The following CNKSR2 variants were observed in gnomAD, a reference collection of about 807,000 sequenced individuals.
CNKSR2 encodes the protein CNK homolog protein 2.
Under a neutral mutation model 84.4 loss-of-function variants are expected in CNKSR2, and 14 were observed. That is an observed-to-expected ratio of 0.17 (90% confidence interval 0.11 to 0.26). The LOEUF is 0.26. Among genes scored for constraint, CNKSR2 ranks in the 10% least tolerant of loss-of-function variants. The pLI is 1.00. For synonymous variants in CNKSR2, 275 were observed against 277.9 expected, an observed-to-expected ratio of 0.99 and a Z score of 0.10; for missense variants, 485 against 771.2, an observed-to-expected ratio of 0.63 and a Z score of 4.40.
At chrX:21,501,178 A>G (rs1388778590) in intron 7 of CNKSR2, among the ~76,000 whole-genome samples, 1 of 111,176 alleles carries the variant, frequency 9.0e-6, no homozygotes, top group Non-Finnish European at 1.9e-5. Context: ...AAGTTTACAA[A>G]GGTTAATACC....
chrX:21,545,507 A>C (rs1472233514), intron 11 of CNKSR2, among the ~76,000 whole-genome samples: 1 of 111,982 alleles, frequency 8.9e-6, no homozygotes, highest in Non-Finnish European at 1.9e-5. Context: ...GCAGACTTAA[A>C]CATTCCTGTC....
intron 21 of CNKSR2, among the ~76,000 whole-genome samples, chrX:21,650,437 G>A (rs1433215653): frequency 1.3e-5 from 1 of 75,886 alleles, no homozygotes; most frequent in Non-Finnish European, 2.5e-5. Flanking sequence ...GGGGTGGGGG[G>A]CTAGGGGAGG....
intron 6 of CNKSR2, chrX:21,493,777 T>A (rs2091465622): frequency 9.0e-6 from 1 of 111,358 alleles, no homozygotes. Context: ...TTTCTTTTGG[T>A]GCCTGACTTT....
At chrX:21,515,740 C>T (rs1273113924) in intron 8 of CNKSR2, among the ~76,000 whole-genome samples, 2 of 111,046 alleles carry the variant, frequency 1.8e-5, no homozygotes, top group African/African-American at 3.3e-5. Flanking sequence ...CAGTTGAGCC[C>T]GATTTCAAGA....
chrX:21,559,967 C>T (rs1465877486), intron 11 of CNKSR2, among the ~76,000 whole-genome samples: 1 of 111,206 alleles, frequency 9.0e-6, no homozygotes, highest in Admixed American at 9.6e-5. Flanking sequence ...ATACTTTTTC[C>T]TTAAGAACAG....
At position 21,595,305 on chromosome X, in the gene CNKSR2, A is replaced by G; in HGVS notation, c.1905-19A>G. 1 of 1,134,009 alleles carries G rather than the reference A, an allele frequency of 8.8e-7. No individual in the cohort carries two copies. Among genetic ancestry groups the G allele is most frequent in the Non-Finnish European group, 1.2e-6 (1 of 833,216 alleles). The allele number at this position is 1,134,009 out of a possible 1,213,427, so 93.5% of individuals were successfully genotyped here. On this transcript the variant is annotated intron_variant, in intron 16 of 21. Transcript: ENST00000379510. ...TTATTTCCCAATTTGTAATAAATGT[A>G]CTTTGTTTCCTTTTGCAGTGCATTC...
At chrX:21,414,057 C>A (rs1375647803) in intron 1 of CNKSR2, among the ~76,000 whole-genome samples, 4 of 111,347 alleles carry the variant, frequency 3.6e-5, no homozygotes, top group African/African-American at 1.3e-4. Context: ...TACTGATATC[C>A]TGATTTCCTT....
chrX:21,417,933 C>G (rs1288028746), intron 1 of CNKSR2, among the ~76,000 whole-genome samples: 1 of 111,158 alleles, frequency 9.0e-6, no homozygotes, highest in Non-Finnish European at 1.9e-5. Flanking sequence ...TAAAGACTTC[C>G]TCCTGCCATT....
At chrX:21,564,258 G>A (rs1406676789) in intron 13 of CNKSR2, among the ~76,000 whole-genome samples, 1 of 111,327 alleles carries the variant, frequency 9.0e-6, no homozygotes, top group Non-Finnish European at 1.9e-5. Context: ...CTTTCCTGCA[G>A]TAATAAAGAG....
chrX:21,537,685 T>C (rs1274123406), intron 11 of CNKSR2, among the ~76,000 whole-genome samples: 1 of 111,247 alleles, frequency 9.0e-6, no homozygotes, highest in African/African-American at 3.3e-5. Flanking sequence ...CTTGATTTGG[T>C]TTTTGTTTGC....
At chrX:21,393,987 T>C (rs2090086657) in intron 1 of CNKSR2, among the ~76,000 whole-genome samples, 1 of 112,314 alleles carries the variant, frequency 8.9e-6, no homozygotes, top group Non-Finnish European at 1.9e-5. Context: ...TAGAAGACAA[T>C]ACAAATTATC....
chrX:21,545,530 A>G (rs1439722841), intron 11 of CNKSR2, among the ~76,000 whole-genome samples: 1 of 112,181 alleles, frequency 8.9e-6, no homozygotes, highest in Non-Finnish European at 1.9e-5. Context: ...CCAGCTCTGA[A>G]GAGAGCAGCA....
intron 4 of CNKSR2, among the ~76,000 whole-genome samples, chrX:21,467,180 T>A (rs1193618878): frequency 2.7e-5 from 3 of 111,272 alleles, no homozygotes; most frequent in African/African-American, 9.8e-5. Flanking sequence ...GCTTTGGTGT[T>A]CCTGTATCAC....
At chrX:21,421,658 T>C (rs1268579930) in intron 1 of CNKSR2, among the ~76,000 whole-genome samples, 1 of 111,614 alleles carries the variant, frequency 9.0e-6, no homozygotes, top group Non-Finnish European at 1.9e-5. Context: ...AATTCTATGG[T>C]AATCTTTTTT....
intron 11 of CNKSR2, among the ~76,000 whole-genome samples, chrX:21,544,458 A>G (rs776398275): frequency 1.8e-5 from 2 of 111,977 alleles, no homozygotes; most frequent in East Asian, 2.8e-4. Context: ...GAAGAATAGT[A>G]TATTATATAA....
At chrX:21,470,591 C>T in intron 4 of CNKSR2, 175 bp from the exon 5 acceptor site, 1 of 250,724 alleles carries the variant, frequency 4.0e-6, no homozygotes. Context: ...TGTTACTGAC[C>T]ATCAGAGCTA....
chrX:21,421,692 T>C, intron 1 of CNKSR2: 1 of 111,275 alleles, frequency 9.0e-6, no homozygotes, highest in Non-Finnish European at 1.9e-5. Flanking sequence ...ATTTTTTTCT[T>C]TGTTTTTTGG....
At chrX:21,414,492 C>T (rs1258251302) in intron 1 of CNKSR2, among the ~76,000 whole-genome samples, 2 of 109,856 alleles carry the variant, frequency 1.8e-5, no homozygotes, top group Admixed American at 9.7e-5. Context: ...AGGTGGGTAG[C>T]TTGCAAATAT....
intron 4 of CNKSR2, among the ~76,000 whole-genome samples, chrX:21,461,946 A>G (rs1331154786): frequency 1.8e-5 from 2 of 112,104 alleles, no homozygotes. Context: ...CTATCTCAGT[A>G]GTATAATTTC....
Sources: allele counts gnomAD v4.1 joint callset (sites outside exome capture counted in the v4.1 genomes callset), GRCh38; gene constraint gnomAD v4.1.1; transcripts MANE v1.5; gene names NCBI Gene and HGNC (gene_info 2026-07-23, HGNC 2026-07-21).